PTPRM: variants seen among roughly 807,000 people sequenced by gnomAD.
PTPRM encodes receptor-type tyrosine-protein phosphatase mu.
In PTPRM, 47 loss-of-function variants were observed where a neutral mutation model predicts 186.7. The observed-to-expected ratio is 0.25, with a 90% CI of 0.20 to 0.32. The LOEUF (loss-of-function observed/expected upper bound fraction) is 0.32. Ranked by LOEUF, PTPRM falls within the 10% of genes least tolerant of loss-of-function variation. PTPRM has a pLI of 1.00. For synonymous variants in PTPRM, 668 were observed against 674.9 expected, an observed-to-expected ratio of 0.99 and a Z score of 0.16; for missense variants, 1,494 against 1,865.0, an observed-to-expected ratio of 0.80 and a Z score of 3.66.
chr18:8,001,223 A>G lies in PTPRM; in HGVS notation c.1132+45809A>G, dbSNP rs192768272. On this transcript the variant is annotated intron_variant, in intron 7 of 32. Coordinates refer to ENST00000580170, the MANE Select transcript of PTPRM (RefSeq NM_001105244.2). ...AATTCGTTGCAAGTCTCTGCTGAGAAGGGCTGGCACATTTCTTTCCTGTGT... is the reference window on the plus strand; with the variant it reads ...AATTCGTTGCAAGTCTCTGCTGAGAGGGGCTGGCACATTTCTTTCCTGTGT... 8.5e-5 allele frequency among the ~76,000 whole-genome samples: 13 copies of G among 152,288 alleles called. 1 individual carries two copies. The East Asian group carries it at 2.3e-3, about 27-fold the overall frequency.
chr18:8,150,264 G>T lies in PTPRM; in HGVS notation c.2300+6485G>T, dbSNP rs556544807. Among the ~76,000 whole-genome samples, 31 of 152,166 alleles carry T rather than the reference G, an allele frequency of 2.0e-4. No individual in the cohort carries two copies. In the South Asian group the frequency reaches 6.4e-3, roughly 32 times the overall value. On this transcript the variant is annotated intron_variant, in intron 14 of 32. Transcript: ENST00000580170. ...TTTCCAACTTGGTTCCATTCTCCTCGTCACTTTCAGGTACACCAATCAGAC... is the reference window on the plus strand; with the variant it reads ...TTTCCAACTTGGTTCCATTCTCCTCTTCACTTTCAGGTACACCAATCAGAC...
chr18:8,000,411 A>T (rs781157112), intron 7 of PTPRM, among the ~76,000 whole-genome samples: 4 of 152,238 alleles, frequency 2.6e-5, no homozygotes, highest in African/African-American at 9.6e-5. Context: ...CTTTTGATGT[A>T]TAATGGTCTT....
chr18:8,147,463 G>GT (rs1222085163), intron 14 of PTPRM, among the ~76,000 whole-genome samples: 1 of 152,160 alleles, frequency 6.6e-6, no homozygotes, highest in Non-Finnish European at 1.5e-5. Context: ...TGTTATTGGT[G>GT]TATAGGAATG....
intron 23 of PTPRM, among the ~76,000 whole-genome samples, chr18:8,363,906 G>A (rs527986211): frequency 3.3e-5 from 5 of 152,270 alleles, no homozygotes; most frequent in African/African-American, 7.2e-5. Context: ...GTACAGATGC[G>A]GCCTTGTGCT....
At chr18:8,142,021 G>A (rs1481689327) in intron 13 of PTPRM, among the ~76,000 whole-genome samples, 2 of 152,108 alleles carry the variant, frequency 1.3e-5, no homozygotes, top group African/African-American at 4.8e-5. Context: ...TCAGCCACCT[G>A]GTGATATGTT....
At chr18:8,260,614 A>C (rs1364289954) in intron 19 of PTPRM, among the ~76,000 whole-genome samples, 2 of 152,176 alleles carry the variant, frequency 1.3e-5, no homozygotes, top group East Asian at 1.9e-4. Flanking sequence ...CAACACTGCC[A>C]CACCAGGGAC....
At chr18:8,180,391 C>T (rs998483032) in intron 14 of PTPRM, among the ~76,000 whole-genome samples, 1 of 152,160 alleles carries the variant, frequency 6.6e-6, no homozygotes, top group Non-Finnish European at 1.5e-5. Flanking sequence ...ACTGTGGCAA[C>T]TTTTAGAGCA....
At chr18:8,243,022 T>C (rs1338582451) in intron 14 of PTPRM, among the ~76,000 whole-genome samples, 1 of 152,256 alleles carries the variant, frequency 6.6e-6, no homozygotes, top group African/African-American at 2.4e-5. Context: ...TTAAACCTTC[T>C]CACTGTATAC....
Position 8,028,439 on chromosome 18 carries a change from C to T in PTPRM, c.1133-41247C>T, listed in dbSNP as rs115285449. Among the ~76,000 whole-genome samples the T allele has an allele frequency of 7.2e-3, 1,093 of 152,208 alleles. 10 individuals are homozygous for T. The highest frequency in any genetic ancestry group is 0.024 in the African/African-American group (1,013 of 41,512). ...ATGCTTGGGCCCTTAGTCTCACTCC[C>T]GGAAAATTTATTAAATAAATGTAGA... is the stretch of plus-strand genomic sequence containing the variant. On this transcript the variant is annotated intron_variant, in intron 7 of 32. Coordinates refer to ENST00000580170, the MANE Select transcript of PTPRM (RefSeq NM_001105244.2).
At chr18:7,916,859 C>T (rs2050589853) in intron 4 of PTPRM, among the ~76,000 whole-genome samples, 1 of 152,202 alleles carries the variant, frequency 6.6e-6, no homozygotes, top group African/African-American at 2.4e-5. Context: ...TAATTATAGT[C>T]ACCCTACAGT....
intron 14 of PTPRM, among the ~76,000 whole-genome samples, chr18:8,234,171 G>A (rs1458081914): frequency 3.3e-5 from 5 of 152,032 alleles, no homozygotes; most frequent in African/African-American, 1.2e-4. Context: ...ATTTTGATTA[G>A]GATTGCACTG....
chr18:7,804,141 C>G (rs779982395), intron 2 of PTPRM, among the ~76,000 whole-genome samples: 2 of 152,174 alleles, frequency 1.3e-5, no homozygotes, highest in Non-Finnish European at 2.9e-5. Context: ...TGCTGCTCTC[C>G]TCTGCATTGA....
At chr18:8,298,275 A>G (rs1020681533) in intron 20 of PTPRM, among the ~76,000 whole-genome samples, 3 of 152,326 alleles carry the variant, frequency 2.0e-5, no homozygotes, top group South Asian at 2.1e-4. Flanking sequence ...CATCCTTTCC[A>G]GGAGTCCCTT....
chr18:8,380,187 A>C, intron 28 of PTPRM, 109 bp from the exon 29 acceptor site: 1 of 1,215,318 alleles, frequency 8.2e-7, no homozygotes, highest in South Asian at 1.4e-5. Flanking sequence ...ACAGCTGTTA[A>C]ACATGTTCAG....
intron 5 of PTPRM, among the ~76,000 whole-genome samples, chr18:7,944,449 A>G (rs13381990): frequency 0.059 from 8,935 of 152,224 alleles, 883 homozygotes; most frequent in African/African-American, 0.2. Flanking sequence ...TACTGTACAC[A>G]CAGAGGTGTT....
chr18:8,260,310 G>C (rs1011241850), intron 19 of PTPRM, among the ~76,000 whole-genome samples: 1 of 151,944 alleles, frequency 6.6e-6, no homozygotes, highest in Admixed American at 6.6e-5. Flanking sequence ...CTACAGGCAC[G>C]CACCACCAAG....
chr18:7,715,057 A>C (rs2040296672), intron 1 of PTPRM, among the ~76,000 whole-genome samples: 1 of 152,202 alleles, frequency 6.6e-6, no homozygotes, highest in African/African-American at 2.4e-5. Flanking sequence ...ACAACCAAAA[A>C]AGAAAATTTC....
chr18:7,861,726 G>T (rs1371334336), intron 2 of PTPRM, among the ~76,000 whole-genome samples: 3 of 151,870 alleles, frequency 2.0e-5, no homozygotes, highest in African/African-American at 7.3e-5. Context: ...CTTGGGATAG[G>T]TAGTGGAATG....
intron 20 of PTPRM, among the ~76,000 whole-genome samples, chr18:8,302,055 G>A (rs1319456253): frequency 6.6e-6 from 1 of 152,236 alleles, no homozygotes; most frequent in Non-Finnish European, 1.5e-5. Flanking sequence ...GAGCTGACAG[G>A]GCACCTGCCC....
Sources: gnomAD v4.1 joint callset for allele counts (sites outside exome capture counted in the v4.1 genomes callset) on GRCh38, gnomAD v4.1.1 for gene constraint, MANE v1.5 for transcripts, NCBI Gene and HGNC (gene_info 2026-07-23, HGNC 2026-07-21) for gene names.